Variants in DCLK1 observed in about 807,000 individuals in gnomAD.
The protein encoded by DCLK1 is serine/threonine-protein kinase DCLK1.
A neutral mutation model predicts 86.2 loss-of-function variants in DCLK1; 16 were observed. The observed-to-expected ratio is 0.19, with a 90% CI of 0.13 to 0.28. The LOEUF (loss-of-function observed/expected upper bound fraction) is 0.28, where lower values mean the gene tolerates loss of function less well. Ranked by LOEUF, DCLK1 falls within the 10% of genes least tolerant of loss-of-function variation. The probability of loss-of-function intolerance (pLI) is 1.00; values close to 1 mark genes in which losing one functional copy is unlikely to be tolerated. For synonymous variants in DCLK1, 369 were observed against 370.5 expected (o/e 1.00, Z 0.05); for missense variants, 590 against 940.2 (o/e 0.63, Z 4.87).
At chr13:35,808,976 G>C in intron 13 of DCLK1, 42 bp downstream of exon 13, 1 of 1,573,000 alleles carries the variant, frequency 6.4e-7, no homozygotes, top group Non-Finnish European at 8.7e-7. Flanking sequence ...AGAGAGTAGA[G>C]AAATGCTTTG....
At chr13:35,940,667 T>C (rs1877033587) in intron 4 of DCLK1, among the ~76,000 whole-genome samples, 1 of 152,144 alleles carries the variant, frequency 6.6e-6, no homozygotes. Context: ...AGAAGTCTGA[T>C]TGGTTCTTCT....
chr13:35,869,312 G>A (rs984063913), intron 5 of DCLK1, among the ~76,000 whole-genome samples: 19 of 152,200 alleles, frequency 1.2e-4, no homozygotes, highest in Non-Finnish European at 2.2e-4. Context: ...CTGACATCCT[G>A]GGGAAGGGAT....
At chr13:35,848,990 G>A (rs536073057) in intron 6 of DCLK1, 1,138 of 985,306 alleles carry the variant, frequency 1.2e-3, no homozygotes, top group Middle Eastern at 0.011. Flanking sequence ...CTGAAGTCTG[G>A]AACAGGTATT....
At position 35,775,176 on chromosome 13, in the gene DCLK1, C is replaced by A. The variant is rs140578502; in HGVS notation, c.2059-477G>T. ...ACATGGAAACGGAGCCACGGCTCAT[C>A]CTGTTCTTTTAGCACCTCCTCACTC... On this transcript the variant is annotated intron_variant, in intron 16 of 16. Transcript: ENST00000360631. 2.6e-3 allele frequency among the ~76,000 whole-genome samples: 389 copies of A among 152,220 alleles called. 1 individual carries two copies. Among genetic ancestry groups the A allele is most frequent in the African/African-American group, 9.1e-3 (377 of 41,516 alleles).
chr13:36,039,031 G>A (rs1012417021), intron 3 of DCLK1, among the ~76,000 whole-genome samples: 7 of 152,138 alleles, frequency 4.6e-5, no homozygotes, highest in African/African-American at 4.8e-5. Flanking sequence ...GTAGTCATTC[G>A]TCAGGCGCCT....
At chr13:35,988,365 G>A (rs1226603324) in intron 3 of DCLK1, among the ~76,000 whole-genome samples, 6 of 152,212 alleles carry the variant, frequency 3.9e-5, no homozygotes, top group Non-Finnish European at 7.3e-5. Context: ...GCAGCCAGCT[G>A]CTCTCACCTC....
At chr13:35,963,526 G>A (rs1413888698) in intron 3 of DCLK1, among the ~76,000 whole-genome samples, 1 of 152,156 alleles carries the variant, frequency 6.6e-6, no homozygotes, top group East Asian at 1.9e-4. Flanking sequence ...CATTGTTCTG[G>A]TCAATGATAA....
At chr13:36,051,760 T>C (rs1207405757) in intron 3 of DCLK1, among the ~76,000 whole-genome samples, 1 of 152,180 alleles carries the variant, frequency 6.6e-6, no homozygotes. Context: ...ACTAAGGTAC[T>C]ATTCAGCCTC....
chr13:36,001,361 G>C (rs1266645008), intron 3 of DCLK1, among the ~76,000 whole-genome samples: 1 of 152,172 alleles, frequency 6.6e-6, no homozygotes, highest in Non-Finnish European at 1.5e-5. Context: ...CAACATCAAA[G>C]TAATAAAGTT....
chr13:35,910,419 A>G (rs1463144146), intron 4 of DCLK1, among the ~76,000 whole-genome samples: 2 of 152,242 alleles, frequency 1.3e-5, no homozygotes, highest in African/African-American at 4.8e-5. Context: ...TGGGTCAATA[A>G]CCATTTGAAA....
chr13:35,777,311 C>A (rs2086439959), intron 16 of DCLK1, among the ~76,000 whole-genome samples: 1 of 152,134 alleles, frequency 6.6e-6, no homozygotes, highest in Admixed American at 6.5e-5. Flanking sequence ...GCATTTTTGT[C>A]CAATGTTCTG....
intron 5 of DCLK1, among the ~76,000 whole-genome samples, chr13:35,856,359 G>A (rs559123796): frequency 7.9e-4 from 120 of 152,320 alleles, no homozygotes; most frequent in Non-Finnish European, 1.5e-3. Context: ...AAGGGCAGAA[G>A]CAGAGCCTAT....
chr13:36,081,462 CCACT>C (rs1395397500), intron 3 of DCLK1, among the ~76,000 whole-genome samples: 2 of 152,024 alleles, frequency 1.3e-5, no homozygotes, highest in Non-Finnish European at 2.9e-5. Flanking sequence ...CTTAAAAAGA[CCACT>C]CATAGTTCAA....
chr13:35,769,137 A>G lies in DCLK1; in HGVS notation c.*5398T>C, dbSNP rs2086283233. 1 of 151,738 alleles carries G rather than the reference A, an allele frequency of 6.6e-6. No homozygotes were observed. The highest frequency in any genetic ancestry group is 2.1e-4 in the South Asian group (1 of 4,830). The allele number at this position is 151,738 out of a possible 1,614,324, so 9.4% of individuals were successfully genotyped here. On this transcript the variant is annotated 3_prime_UTR_variant, in exon 17 of 17. Coordinates refer to ENST00000360631, the MANE Select transcript of DCLK1 (RefSeq NM_001330071.2). ...ATGTATCAGCTTAAACTGAAGGATT[A>G]GGGGGAAAAATTGGATCTCATTCCA...
At chr13:35,794,768 A>G (rs571404984) in intron 15 of DCLK1, among the ~76,000 whole-genome samples, 1 of 152,334 alleles carries the variant, frequency 6.6e-6, no homozygotes, top group Non-Finnish European at 1.5e-5. Context: ...TAATGGCTTT[A>G]CTGGAAACCC....
At chr13:35,874,924 A>C (rs1333322134) in intron 4 of DCLK1, among the ~76,000 whole-genome samples, 1 of 152,198 alleles carries the variant, frequency 6.6e-6, no homozygotes, top group Non-Finnish European at 1.5e-5. Flanking sequence ...GGAATGCCAC[A>C]ATGTCGCCGG....
intron 3 of DCLK1, among the ~76,000 whole-genome samples, chr13:35,981,732 G>T (rs910653353): frequency 2.0e-5 from 3 of 152,218 alleles, no homozygotes; most frequent in Admixed American, 2.0e-4. Context: ...TGGCTGTTGT[G>T]AATAATGCTG....
intron 4 of DCLK1, among the ~76,000 whole-genome samples, chr13:35,935,363 A>C (rs1423105229): frequency 1.3e-5 from 2 of 152,156 alleles, no homozygotes. Context: ...AACTGCAACA[A>C]GGATGGAAAG....
At chr13:35,946,508 T>C (rs902895881) in intron 4 of DCLK1, among the ~76,000 whole-genome samples, 4 of 152,062 alleles carry the variant, frequency 2.6e-5, no homozygotes, top group African/African-American at 9.6e-5. Flanking sequence ...CAAGTGTTGC[T>C]CAGCCACTAT....
Sources: allele counts gnomAD v4.1 joint callset (sites outside exome capture counted in the v4.1 genomes callset), GRCh38; gene constraint gnomAD v4.1.1; transcripts MANE v1.5; gene names NCBI Gene and HGNC (gene_info 2026-07-23, HGNC 2026-07-21).